The following PLCH1 variants were observed in gnomAD, a reference collection of about 807,000 sequenced individuals.
The protein encoded by PLCH1 is phospholipase C eta 1.
Under a neutral mutation model 126.7 loss-of-function variants are expected in PLCH1, and 60 were observed. The observed-to-expected ratio is 0.47, with a 90% confidence interval of 0.38 to 0.59. The LOEUF (loss-of-function observed/expected upper bound fraction) is 0.59, where lower values mean the gene tolerates loss of function less well. Ranked by LOEUF, PLCH1 falls within the 20% of genes least tolerant of loss-of-function variation. The pLI is 0.00. For synonymous variants in PLCH1, 719 were observed against 734.9 expected, an observed-to-expected ratio of 0.98 and a Z score of 0.35; for missense variants, 1,723 against 2,040.0, an observed-to-expected ratio of 0.84 and a Z score of 2.99.
chr3:155,672,232 C>T (rs1743558860), intron 2 of PLCH1, among the ~76,000 whole-genome samples: 1 of 152,138 alleles, frequency 6.6e-6, no homozygotes, highest in South Asian at 2.1e-4. Context: ...ACCAAAACCC[C>T]AACTAAGTGA....
intron 2 of PLCH1, among the ~76,000 whole-genome samples, chr3:155,631,116 C>A (rs1278467661): frequency 1.3e-5 from 2 of 152,136 alleles, no homozygotes; most frequent in Non-Finnish European, 2.9e-5. Flanking sequence ...ATTTAAGTCA[C>A]CTTTGCCTGA....
intron 1 of PLCH1, among the ~76,000 whole-genome samples, chr3:155,744,002 G>T (rs982861868): frequency 4.0e-5 from 6 of 150,390 alleles, no homozygotes; most frequent in African/African-American, 1.5e-4. Context: ...GAAGGGAAAA[G>T]TTGGGTTTTT....
At chr3:155,691,534 C>G (rs1438752414) in intron 2 of PLCH1, among the ~76,000 whole-genome samples, 2 of 152,154 alleles carry the variant, frequency 1.3e-5, no homozygotes, top group Admixed American at 6.5e-5. Flanking sequence ...CACAGAGAAC[C>G]TGAGCATCAG....
Position 155,468,941 on chromosome 3 carries a change from C to T in PLCH1, c.2938+16415G>A, listed in dbSNP as rs1426193139. 2.6e-5 allele frequency among the ~76,000 whole-genome samples: 4 copies of T among 152,192 alleles called. No individual in the cohort carries two copies. The East Asian group carries it at 5.8e-4, about 22-fold the overall frequency. On this transcript the variant is annotated intron_variant, in intron 21 of 21. Coordinates refer to the PLCH1 transcript ENST00000494598. ...ATAGATCTAACAGGTATTTACAGAA[C>T]ATTTCATCCAAGAGCTGCAGAATCC...
In PLCH1 at chr3:155,549,894, A is replaced by C. The variant is rs2108447871; in HGVS notation, c.1255T>G (p.Tyr419Asp). Residue 419 changes from tyrosine to aspartate, a missense_variant, in exon 10 of 23, where the codon TAC (tyrosine) becomes GAC (aspartate). By Grantham distance (160) the Tyr-to-Asp change is radical. This residue lies in a region of PLCH1 where 776 missense variants were observed against 1,062.9 expected (regional missense o/e 0.73). Coordinates refer to ENST00000460012, the MANE Select transcript of PLCH1 (RefSeq NM_014996.4). ...SIQQQRKIAQ[Y>D]LKGIFGDKLD... is the part of the protein sequence containing the mutation. ...TTGTCTCCGAATATTCCTTTCAGGT[A>C]CTGAGCAATCTTCCTTTGCTGCTGG... 6.2e-7 allele frequency: 1 copy of C among 1,613,158 alleles called. No homozygotes were observed. Among genetic ancestry groups the C allele is most frequent in the Admixed American group, 1.7e-5 (1 of 60,000 alleles).
chr3:155,558,303 T>C (rs926955620), intron 8 of PLCH1, among the ~76,000 whole-genome samples: 1 of 152,206 alleles, frequency 6.6e-6, no homozygotes, highest in African/African-American at 2.4e-5. Flanking sequence ...CTACATTCTA[T>C]AAATTGTGTT....
intron 2 of PLCH1, among the ~76,000 whole-genome samples, chr3:155,602,885 GT>G (rs1043344907): frequency 1.3e-5 from 2 of 152,130 alleles, no homozygotes; most frequent in African/African-American, 4.8e-5. Context: ...ATATGTGTAT[GT>G]TTTTATATAC....
intron 21 of PLCH1, among the ~76,000 whole-genome samples, chr3:155,469,021 C>A (rs1426877280): frequency 7.9e-5 from 12 of 152,148 alleles, no homozygotes; most frequent in Non-Finnish European, 1.3e-4. Flanking sequence ...TATGTTAGGT[C>A]ACAAAACAAG....
chr3:155,552,572 G>A (rs778654156), intron 9 of PLCH1, among the ~76,000 whole-genome samples: 1 of 152,166 alleles, frequency 6.6e-6, no homozygotes, highest in East Asian at 1.9e-4. Context: ...ATACGTAAGA[G>A]TGGGGAGTTG....
At chr3:155,642,025 A>T (rs556432129) in intron 2 of PLCH1, among the ~76,000 whole-genome samples, 77 of 152,316 alleles carry the variant, frequency 5.1e-4, no homozygotes, top group African/African-American at 1.8e-3. Context: ...ATAATAATAA[A>T]AAAAGAATAG....
Position 155,704,236 on chromosome 3 carries a change from T to G in PLCH1, c.-12A>C. The G allele has an allele frequency of 3.3e-6, 4 of 1,206,020 alleles. No individual in the cohort carries two copies. The highest frequency in any genetic ancestry group is 4.1e-6 in the Non-Finnish European group (4 of 964,422). 74.7% of individuals were successfully genotyped at this position (1,206,020 alleles called of 1,614,324 possible). Reference sequence around the variant, plus strand: ...TTCCAGTAACTCATTGTCAGAAGATTTCTGGCACAGCATCAAAACCAAATT... The same window carrying G: ...TTCCAGTAACTCATTGTCAGAAGATGTCTGGCACAGCATCAAAACCAAATT... On this transcript the variant is annotated 5_prime_UTR_variant, in exon 2 of 23. Coordinates refer to ENST00000460012, the MANE Select transcript of PLCH1 (RefSeq NM_014996.4).
intron 2 of PLCH1, among the ~76,000 whole-genome samples, chr3:155,687,164 T>G (rs1266539211): frequency 6.6e-6 from 1 of 152,150 alleles, no homozygotes; most frequent in Non-Finnish European, 1.5e-5. Flanking sequence ...TAGAAATACT[T>G]TAAAAGCAAT....
intron 2 of PLCH1, among the ~76,000 whole-genome samples, chr3:155,612,202 G>A (rs920910124): frequency 2.6e-5 from 4 of 151,898 alleles, no homozygotes; most frequent in Non-Finnish European, 4.4e-5. Context: ...AGTGGCAGGT[G>A]CCTGTAATCC....
chr3:155,669,672 A>G (rs976265222), intron 2 of PLCH1, among the ~76,000 whole-genome samples: 2 of 152,252 alleles, frequency 1.3e-5, no homozygotes, highest in African/African-American at 2.4e-5. Flanking sequence ...AAGGAATACA[A>G]AAATGAGAAA....
downstream of PLCH1, among the ~76,000 whole-genome samples, chr3:155,475,008 C>T: frequency 7.1e-6 from 1 of 141,276 alleles, no homozygotes; most frequent in Admixed American, 7.1e-5. Context: ...AGTGCACCAG[C>T]ATGGCACATG....
chr3:155,492,181 T>C (rs1021745526), intron 18 of PLCH1, among the ~76,000 whole-genome samples: 1 of 151,588 alleles, frequency 6.6e-6, no homozygotes, highest in Non-Finnish European at 1.5e-5. Flanking sequence ...GAAGCTGCTA[T>C]ATAGCGAGAA....
chr3:155,592,490 A>ACTCCG (rs1732329956), intron 4 of PLCH1, among the ~76,000 whole-genome samples: 1 of 41,484 alleles, frequency 2.4e-5, no homozygotes, highest in Non-Finnish European at 1.2e-4. Flanking sequence ...GCAAGACTCC[A>ACTCCG]TCTCCAAAAA....
chr3:155,564,254 C>A (rs922844537), intron 8 of PLCH1, among the ~76,000 whole-genome samples: 2 of 152,000 alleles, frequency 1.3e-5, no homozygotes, highest in Non-Finnish European at 2.9e-5. Flanking sequence ...AATTGATAGA[C>A]CATGAAGTAT....
chr3:155,552,372 G>T (rs1276867052), intron 9 of PLCH1, among the ~76,000 whole-genome samples: 4 of 152,182 alleles, frequency 2.6e-5, no homozygotes, highest in East Asian at 1.9e-4. Context: ...TTGCAAGAGG[G>T]TGCTATATGA....
Sources: gnomAD v4.1 joint callset for allele counts (sites outside exome capture counted in the v4.1 genomes callset) on GRCh38, gnomAD v4.1.1 for gene constraint, gnomAD v4.1.1 regional missense constraint, MANE v1.5 for transcripts, NCBI Gene and HGNC (gene_info 2026-07-23, HGNC 2026-07-21) for gene names.